The following GFOD1 variants were observed in gnomAD, a reference collection of about 807,000 sequenced individuals.
GFOD1 encodes the protein Gfo/Idh/MocA-like oxidoreductase domain containing 1.
Under a neutral mutation model 25.4 loss-of-function variants are expected in GFOD1, and 9 were observed. The observed-to-expected ratio is 0.35, with a 90% CI of 0.21 to 0.62. GFOD1 has a LOEUF of 0.62. Among genes scored for constraint, GFOD1 ranks in the 20% least tolerant of loss-of-function variants. The pLI, the probability that GFOD1 is intolerant of heterozygous loss-of-function variation, is 0.72. For missense variants in GFOD1, 403 were observed against 556.9 expected (o/e 0.72, Z 2.78); for synonymous variants, 253 against 245.6 (o/e 1.03, Z -0.28).
chr6:13,448,051 G>A (rs930348607), intron 1 of GFOD1, among the ~76,000 whole-genome samples: 11 of 152,274 alleles, frequency 7.2e-5, no homozygotes, highest in Admixed American at 4.6e-4. Flanking sequence ...AGTCTCTGGT[G>A]TGTGCCTGGG....
intron 1 of GFOD1, among the ~76,000 whole-genome samples, chr6:13,413,010 A>G (rs1189906350): frequency 6.6e-6 from 1 of 152,230 alleles, no homozygotes; most frequent in Non-Finnish European, 1.5e-5. Context: ...AGAGGCCCAA[A>G]GAAATCTGAA....
intron 1 of GFOD1, among the ~76,000 whole-genome samples, chr6:13,435,608 T>C (rs968807663): frequency 6.6e-6 from 1 of 152,236 alleles, no homozygotes; most frequent in Non-Finnish European, 1.5e-5. Flanking sequence ...ACTTCTGTGC[T>C]GGTTGGTAAA....
chr6:13,476,163 C>T (rs1758620530), intron 1 of GFOD1, among the ~76,000 whole-genome samples: 1 of 152,190 alleles, frequency 6.6e-6, no homozygotes, highest in African/African-American at 2.4e-5. Context: ...CAGCATTATT[C>T]ACAATCACTT....
At chr6:13,417,097 G>A (rs1786175475) in intron 1 of GFOD1, among the ~76,000 whole-genome samples, 1 of 152,154 alleles carries the variant, frequency 6.6e-6, no homozygotes, top group South Asian at 2.1e-4. Flanking sequence ...TATAAACACT[G>A]CACAATGTGC....
chr6:13,471,295 G>A (rs1464137598), intron 1 of GFOD1, among the ~76,000 whole-genome samples: 1 of 152,092 alleles, frequency 6.6e-6, no homozygotes, highest in Non-Finnish European at 1.5e-5. Flanking sequence ...AAGACCCTTT[G>A]CTTCTTGGTG....
intron 1 of GFOD1, among the ~76,000 whole-genome samples, chr6:13,397,596 G>A (rs929170909): frequency 2.0e-5 from 3 of 152,188 alleles, no homozygotes; most frequent in East Asian, 3.9e-4. Flanking sequence ...ATACCACCTG[G>A]GAGGGCAGAT....
At chr6:13,395,941 G>A (rs1318851373) in intron 1 of GFOD1, among the ~76,000 whole-genome samples, 1 of 152,182 alleles carries the variant, frequency 6.6e-6, no homozygotes, top group African/African-American at 2.4e-5. Context: ...TCTGAGCCTG[G>A]GATGAGCAGA....
At chr6:13,395,737 TG>T (rs1188166513) in intron 1 of GFOD1, among the ~76,000 whole-genome samples, 1 of 152,220 alleles carries the variant, frequency 6.6e-6, no homozygotes. Context: ...ATGAGTTCCC[TG>T]GTCTTTGTTC....
At chr6:13,372,336 C>T (rs1481277717) in intron 1 of GFOD1, among the ~76,000 whole-genome samples, 1 of 152,174 alleles carries the variant, frequency 6.6e-6, no homozygotes, top group Non-Finnish European at 1.5e-5. Context: ...AAAATCAGCT[C>T]CCTCCGAAGC....
At chr6:13,460,050 C>T (rs1562225781) in intron 1 of GFOD1, among the ~76,000 whole-genome samples, 1 of 152,256 alleles carries the variant, frequency 6.6e-6, no homozygotes, top group Non-Finnish European at 1.5e-5. Context: ...AGGAGAATCA[C>T]TTGAACTCAG....
chr6:13,487,037 G>C lies in GFOD1; in HGVS notation c.-147C>G, dbSNP rs1384144256. The C allele has an allele frequency of 9.2e-6, 9 of 980,522 alleles. 1 individual carries two copies. The South Asian group carries it at 1.3e-4, about 15-fold the overall frequency. The allele number at this position is 980,522 out of a possible 1,614,324, so 60.7% of individuals were successfully genotyped here. On this transcript the variant is annotated 5_prime_UTR_variant, in exon 1 of 2. Coordinates refer to ENST00000379287, the MANE Select transcript of GFOD1 (RefSeq NM_018988.4). This position sits in a 1 kb window ranked among gnomAD's most constrained non-coding sequence, Gnocchi z 4.9. ...CGCCGTGCACCGGGCAAGGCGCCCG[G>C]GTGCCCAGAGCGCACCGAGCTGCAG...
chr6:13,409,365 G>GAGGA (rs56336626), intron 1 of GFOD1, among the ~76,000 whole-genome samples: 30,020 of 140,404 alleles, frequency 0.21, 3,478 homozygotes, highest in East Asian at 0.33. Flanking sequence ...GAAAGAGACA[G>GAGGA]AGGAAGGAAG....
chr6:13,429,315 T>C (rs1257399180), intron 1 of GFOD1, among the ~76,000 whole-genome samples: 1 of 152,192 alleles, frequency 6.6e-6, no homozygotes, highest in Non-Finnish European at 1.5e-5. Flanking sequence ...GGCCCCAACG[T>C]GAAATAATGG....
intron 1 of GFOD1, among the ~76,000 whole-genome samples, chr6:13,391,423 G>A (rs1272857174): frequency 6.7e-6 from 1 of 150,118 alleles, no homozygotes; most frequent in Admixed American, 6.6e-5. Context: ...GCTTGAACCT[G>A]GGAGGTGAAG....
chr6:13,365,732 C>T lies in GFOD1; in HGVS notation c.254-70G>A. On this transcript the variant is annotated intron_variant, in intron 1 of 1. Transcript: ENST00000379287. This position sits in a 1 kb window ranked among gnomAD's most constrained non-coding sequence, Gnocchi z 9.2. Reference sequence around the variant, plus strand: ...CCGAGCGCGCGTCCCTGGGTCAGATCTTAAAATATTTCACATTAATAGAAA... The same window carrying T: ...CCGAGCGCGCGTCCCTGGGTCAGATTTTAAAATATTTCACATTAATAGAAA... 9.1e-7 allele frequency: 1 copy of T among 1,099,184 alleles called. No homozygotes were observed. The highest frequency in any genetic ancestry group is 1.4e-5 in the South Asian group (1 of 70,698). 68.1% of individuals were successfully genotyped at this position (1,099,184 alleles called of 1,614,324 possible).
chr6:13,439,129 C>T (rs548917212), intron 1 of GFOD1, among the ~76,000 whole-genome samples: 3 of 152,224 alleles, frequency 2.0e-5, no homozygotes, highest in Admixed American at 2.0e-4. Context: ...TTCCCCAAAC[C>T]TTCCTCACAT....
intron 1 of GFOD1, among the ~76,000 whole-genome samples, chr6:13,370,849 G>A (rs932715836): frequency 6.6e-6 from 1 of 152,144 alleles, no homozygotes; most frequent in African/African-American, 2.4e-5. Flanking sequence ...CCACAATCCT[G>A]GGTGTGTCAG....
intron 1 of GFOD1, among the ~76,000 whole-genome samples, chr6:13,424,436 C>T (rs1786316201): frequency 6.6e-6 from 1 of 152,138 alleles, no homozygotes; most frequent in Non-Finnish European, 1.5e-5. Flanking sequence ...TCAAGGGGTT[C>T]CCTCTCAAAC....
At chr6:13,389,572 A>G (rs1201446110) in intron 1 of GFOD1, among the ~76,000 whole-genome samples, 1 of 151,384 alleles carries the variant, frequency 6.6e-6, no homozygotes, top group East Asian at 2.0e-4. Flanking sequence ...ATGAGAACAC[A>G]TGGACACAGA....
Sources: gnomAD v4.1 joint callset for allele counts (sites outside exome capture counted in the v4.1 genomes callset) on GRCh38, gnomAD v4.1.1 for gene constraint, Gnocchi (gnomAD v3.1) non-coding constraint, MANE v1.5 for transcripts, NCBI Gene and HGNC (gene_info 2026-07-23, HGNC 2026-07-21) for gene names.